ANK3: variants seen among roughly 807,000 people sequenced by gnomAD.
ANK3 encodes ankyrin-3.
ANK3 carries 57 observed loss-of-function variants against 370.9 expected under a neutral mutation model. That is an observed-to-expected ratio of 0.15 (90% CI 0.12 to 0.19). The LOEUF is 0.19. Ranked by LOEUF, ANK3 falls within the 10% of genes least tolerant of loss-of-function variation. The probability of loss-of-function intolerance (pLI) is 1.00; values close to 1 mark genes in which losing one functional copy is unlikely to be tolerated. For synonymous variants in ANK3, 1,929 were observed against 1,946.3 expected, an observed-to-expected ratio of 0.99 and a Z score of 0.23; for missense variants, 4,439 against 5,302.1, an observed-to-expected ratio of 0.84 and a Z score of 5.06.
chr10:60,552,804 G>A (rs1014974088), intron 2 of ANK3, among the ~76,000 whole-genome samples: 1 of 152,204 alleles, frequency 6.6e-6, no homozygotes, highest in Admixed American at 6.5e-5. Context: ...CATGTTGTGG[G>A]ACGGACCCGG....
At chr10:60,544,373 A>G (rs980545224) in intron 2 of ANK3, among the ~76,000 whole-genome samples, 1 of 152,172 alleles carries the variant, frequency 6.6e-6, no homozygotes, top group Non-Finnish European at 1.5e-5. Context: ...AGTAAAGAAA[A>G]CATGATTACT....
intron 2 of ANK3, among the ~76,000 whole-genome samples, chr10:60,571,541 T>A (rs2077599895): frequency 6.6e-6 from 1 of 152,198 alleles, no homozygotes; most frequent in Non-Finnish European, 1.5e-5. Context: ...AATTAAAATA[T>A]TATATCTGAA....
At chr10:60,300,466 G>A (rs2043450426) in intron 1 of ANK3, 8 of 1,283,144 alleles carry the variant, frequency 6.2e-6, no homozygotes, top group South Asian at 1.2e-5. Flanking sequence ...CCACTTCCTA[G>A]GAAGGAGGTA....
intron 2 of ANK3, among the ~76,000 whole-genome samples, chr10:60,464,812 G>A (rs531376070): frequency 1.3e-5 from 2 of 152,210 alleles, no homozygotes; most frequent in South Asian, 2.1e-4. Context: ...TTAAAAATGC[G>A]AAGTCACCCT....
At chr10:60,481,748 G>A (rs1169305501) in intron 2 of ANK3, among the ~76,000 whole-genome samples, 1 of 152,202 alleles carries the variant, frequency 6.6e-6, no homozygotes, top group Non-Finnish European at 1.5e-5. Context: ...ACAGGCGTGA[G>A]CCACTGCACC....
chr10:60,370,297 T>C (rs1411478727), intron 1 of ANK3, among the ~76,000 whole-genome samples: 2 of 152,188 alleles, frequency 1.3e-5, no homozygotes, highest in African/African-American at 4.8e-5. Context: ...CTTTTTCATT[T>C]CTCTAAACTT....
intron 1 of ANK3, among the ~76,000 whole-genome samples, chr10:60,682,122 G>A (rs1045600688): frequency 6.6e-5 from 10 of 152,146 alleles, no homozygotes; most frequent in Non-Finnish European, 8.8e-5. Context: ...AATCCAGCCT[G>A]GGTGACACAG....
intron 42 of ANK3, among the ~76,000 whole-genome samples, chr10:60,052,854 T>G (rs1051852347): frequency 2.6e-5 from 4 of 151,906 alleles, no homozygotes; most frequent in African/African-American, 4.8e-5. Flanking sequence ...AAAATAAAAC[T>G]GCTATAGGAG....
chr10:60,605,411 A>T (rs2133310408), intron 2 of ANK3, among the ~76,000 whole-genome samples: 1 of 152,228 alleles, frequency 6.6e-6, no homozygotes, highest in African/African-American at 2.4e-5. Context: ...AGGCAACATG[A>T]CAAAATCCCA....
At chr10:60,138,925 GT>G in intron 24 of ANK3, 38 bp downstream of exon 24, 1 of 1,605,434 alleles carries the variant, frequency 6.2e-7, no homozygotes, top group Non-Finnish European at 8.5e-7. Flanking sequence ...AATCATGGTT[GT>G]TTTAAATTAA....
intron 7 of ANK3, among the ~76,000 whole-genome samples, chr10:60,235,130 G>A (rs1056840280): frequency 3.9e-5 from 6 of 152,188 alleles, no homozygotes; most frequent in African/African-American, 1.4e-4. Context: ...GCTAGTGAGT[G>A]GTTGACTAAC....
Position 60,159,788 on chromosome 10 carries a change from T to C in ANK3, c.2614+6803A>G, listed in dbSNP as rs866434392. Reference sequence around the variant, plus strand: ...AAACCTTGGAAACTATGCAAACACATGGAAATTAAACAATATGCTCCTGAA... The same window carrying C: ...AAACCTTGGAAACTATGCAAACACACGGAAATTAAACAATATGCTCCTGAA... On this transcript the variant is annotated intron_variant, in intron 23 of 43. Coordinates refer to ENST00000280772, the MANE Select transcript of ANK3 (RefSeq NM_020987.5). Among the ~76,000 whole-genome samples the C allele has an allele frequency of 1.3e-5, 2 of 151,960 alleles. 1 individual carries two copies. The highest frequency in any genetic ancestry group is 4.2e-4 in the South Asian group (2 of 4,814).
rs35147179 is a variant in ANK3, at chr10:60,348,347, CAAAAAAA to C, written c.114+41071_114+41077del. Among the ~76,000 whole-genome samples, 210 of 68,164 alleles carry C rather than the reference CAAAAAAA, an allele frequency of 3.1e-3. 1 individual carries two copies. The highest frequency in any genetic ancestry group is 0.013 in the African/African-American group (196 of 15,434). 44.7% of individuals were successfully genotyped at this position (68,164 alleles called of 152,430 possible). ...TATGAAAGAAAACCCTATCACTAGC[CAAAAAAA>C]AAAAAAAAAAAAAAAACACAAAAAA... is the stretch of plus-strand genomic sequence containing the variant. On this transcript the variant is annotated intron_variant, in intron 1 of 43. Transcript: ENST00000280772.
In ANK3 at chr10:60,606,470, T is replaced by A. The variant is rs1446790132; in HGVS notation, c.96+8716A>T. ...TTTCATTTTAAAAGTATGGCTTGTATATAAAAAGCACTTATATAGCTGTTG... is the reference window on the plus strand; with the variant it reads ...TTTCATTTTAAAAGTATGGCTTGTAAATAAAAAGCACTTATATAGCTGTTG... On this transcript the variant is annotated intron_variant, in intron 2 of 43. Coordinates refer to the ANK3 transcript ENST00000373827. Among the ~76,000 whole-genome samples the A allele has an allele frequency of 2.6e-5, 4 of 152,138 alleles. No homozygotes were observed. In the East Asian group the frequency reaches 5.8e-4, roughly 22 times the overall value.
intron 7 of ANK3, among the ~76,000 whole-genome samples, chr10:60,247,980 A>C (rs899637962): frequency 6.6e-6 from 1 of 152,150 alleles, no homozygotes; most frequent in Non-Finnish European, 1.5e-5. Context: ...ATAATGTCTT[A>C]AGGTTCATTC....
intron 1 of ANK3, among the ~76,000 whole-genome samples, chr10:60,361,463 T>C (rs1179778532): frequency 6.6e-6 from 1 of 152,216 alleles, no homozygotes; most frequent in African/African-American, 2.4e-5. Context: ...GGGAATAGAA[T>C]TGTGAATTTA....
chr10:60,677,784 C>CAA (rs752482255), intron 1 of ANK3, among the ~76,000 whole-genome samples: 4,894 of 99,184 alleles, frequency 0.049, 119 homozygotes, highest in Middle Eastern at 0.096. Flanking sequence ...CTCAACTACC[C>CAA]AAAAAAAAAA....
intron 8 of ANK3, among the ~76,000 whole-genome samples, chr10:60,226,533 TATACATAGTATATATACTATA>T (rs1565821789): frequency 1.3e-5 from 1 of 74,784 alleles, no homozygotes; most frequent in Non-Finnish European, 2.2e-5. Flanking sequence ...CTATAGTATA[TATACATAGTATATATACTATA>T]GTATATATAC....
At chr10:60,733,377 G>T (rs923360085) in exon 1 of ANK3, 1 of 1,215,986 alleles carries the variant, frequency 8.2e-7, no homozygotes, top group Non-Finnish European at 1.0e-6. Flanking sequence ...TCCCCGTCCC[G>T]CTCCTCGGGC....
Sources: allele counts gnomAD v4.1 joint callset (sites outside exome capture counted in the v4.1 genomes callset), GRCh38; gene constraint gnomAD v4.1.1; transcripts MANE v1.5; gene names NCBI Gene and HGNC (gene_info 2026-07-23, HGNC 2026-07-21).